C3: variants seen among roughly 807,000 people sequenced by gnomAD.
The protein encoded by C3 is C3 and PZP-like alpha-2-macroglobulin domain-containing protein 1.
Under a neutral mutation model 207.9 loss-of-function variants are expected in C3, and 97 were observed. The ratio of observed to expected loss-of-function variants is 0.47; its 90% confidence interval spans 0.40 to 0.55. C3 has a LOEUF of 0.55. Ranked by LOEUF, C3 falls within the 20% of genes least tolerant of loss-of-function variation. The pLI is 0.00. For missense variants in C3, 1,684 were observed against 2,171.7 expected, an observed-to-expected ratio of 0.78 and a Z score of 4.46; for synonymous variants, 848 against 857.6, an observed-to-expected ratio of 0.99 and a Z score of 0.20.
At chr19:6,687,757 G>A (rs344540) in intron 27 of C3, among the ~76,000 whole-genome samples, 68,909 of 151,966 alleles carry the variant, frequency 0.45, 16,838 homozygotes, top group East Asian at 0.91. Flanking sequence ...TTTAGGAAGC[G>A]ATGAGTTTGA....
intron 19 of C3, among the ~76,000 whole-genome samples, chr19:6,701,106 G>T (rs1376659829): frequency 6.6e-6 from 1 of 152,064 alleles, no homozygotes; most frequent in East Asian, 1.9e-4. Flanking sequence ...CAGCGAAAAG[G>T]ACGATGGCTA....
rs11569422 is a variant in C3 at position 6,711,059 on chromosome 19, C to A, written c.1407G>T (p.Glu469Asp). 2 of 1,614,026 alleles carry A rather than the reference C, an allele frequency of 1.2e-6. No individual in the cohort carries two copies. The highest frequency in any genetic ancestry group is 2.7e-5 in the African/African-American group (2 of 74,890). The change falls in exon 12 of 41, where the codon GAG (glutamate) becomes GAT (aspartate). Residue 469 changes from glutamate to aspartate, a missense_variant. This residue lies in a region of C3 where 1,280 missense variants were observed against 1,739.1 expected (regional missense o/e 0.74). Coordinates refer to ENST00000245907, the MANE Select transcript of C3 (RefSeq NM_000064.4). ...SVLRTELRPG[E>D]TLNVNFLLRM... is the part of the protein sequence containing the mutation. ...GCAGGAGGAAGTTGACGTTGAGGGT[C>A]TCCCCGGGTCTGAGCTCTGTACGTA...
intron 4 of C3, among the ~76,000 whole-genome samples, chr19:6,715,626 T>G (rs2642202): frequency 0.72 from 102,447 of 143,164 alleles, 36,466 homozygotes; most frequent in East Asian, 0.94. Flanking sequence ...TTTGTTTTTT[T>G]TGTTTTTTTT....
At chr19:6,684,231 G>A in intron 33 of C3, 157 bp downstream of exon 33, 1 of 758,432 alleles carries the variant, frequency 1.3e-6, no homozygotes, top group Non-Finnish European at 2.4e-6. Flanking sequence ...TGCAAAGCAA[G>A]GACTGTCTGT....
At chr19:6,688,601 C>T (rs1235106170) in intron 27 of C3, among the ~76,000 whole-genome samples, 1 of 151,612 alleles carries the variant, frequency 6.6e-6, no homozygotes, top group Non-Finnish European at 1.5e-5. Flanking sequence ...CTCACTGCAA[C>T]CTCCACCTCC....
chr19:6,689,295 T>TTTC lies in C3; in HGVS notation c.3489+1333_3489+1334insGAA, dbSNP rs1568213344. On this transcript the variant is annotated intron_variant, in intron 27 of 40. Coordinates refer to ENST00000245907, the MANE Select transcript of C3 (RefSeq NM_000064.4). Reference sequence around the variant, plus strand: ...GAAGTCAGATTTGTCTGACCCCACCTCTCCTCTCTCTCTCTCTCTCTCTCT... The same window carrying TTTC: ...GAAGTCAGATTTGTCTGACCCCACCTTTCCTCCTCTCTCTCTCTCTCTCTCTCT... Among the ~76,000 whole-genome samples the TTTC allele has an allele frequency of 7.5e-3, 819 of 109,664 alleles. 21 individuals carry two copies. The highest frequency in any genetic ancestry group is 0.026 in the African/African-American group (776 of 30,368). 71.9% of individuals were successfully genotyped at this position (109,664 alleles called of 152,430 possible).
rs1403896231 is a variant in C3 at position 6,684,597 on chromosome 19, G to A, written c.4083C>T (p.Phe1361=). 20 of 1,613,952 alleles carry A rather than the reference G, an allele frequency of 1.2e-5. No individual in the cohort carries two copies. Among genetic ancestry groups the A allele is most frequent in the East Asian group, 4.5e-5 (2 of 44,900 alleles). ...CTGGTTTTATGGTGACCTTGAGGTC[G>A]AATTTATTACAGGTGAGTTGATCTT... ...KAKDQLTCNK[F]DLKVTIKPAP... Residue 1361 remains phenylalanine, a synonymous_variant, in exon 32 of 41, where the codon TTC becomes TTT. Transcript: ENST00000245907.
At chr19:6,679,040 C>T in intron 38 of C3, 85 bp downstream of exon 38, 1 of 1,059,430 alleles carries the variant, frequency 9.4e-7, no homozygotes, top group Non-Finnish European at 1.5e-6. Context: ...CCTGAAGCCA[C>T]ACCATGACAA....
At position 6,694,462 on chromosome 19, in the gene C3, C is replaced by T; in HGVS notation, c.3123G>A (p.Lys1041=). The change falls in exon 24 of 41, where the codon AAG becomes AAA. Residue 1041 remains lysine, a synonymous_variant. Transcript: ENST00000245907. ...TEQWEKFGLE[K]RQGALELIKK... ...TGATGAGCTCCAAGGCCCCCTGCCG[C>T]TTCTCTAGGCCGAACTTCTCCCACT... The T allele has an allele frequency of 6.2e-7, 1 of 1,614,124 alleles. No individual in the cohort carries two copies. Among genetic ancestry groups the T allele is most frequent in the Non-Finnish European group, 8.5e-7 (1 of 1,179,980 alleles).
At chr19:6,684,916 G>A in intron 30 of C3, 72 bp downstream of exon 30, 1 of 1,608,868 alleles carries the variant, frequency 6.2e-7, no homozygotes, top group Non-Finnish European at 8.5e-7. Context: ...CCTCCCTCTT[G>A]CTTCCCAGTA....
At chr19:6,704,745 C>T (rs1417174496) in intron 17 of C3, among the ~76,000 whole-genome samples, 2 of 151,688 alleles carry the variant, frequency 1.3e-5, no homozygotes, top group Non-Finnish European at 2.9e-5. Context: ...TGTGACAGAG[C>T]GAGACTCCAT....
rs1236818564 is a variant in C3, at chr19:6,678,412, A to G, written c.4674T>C (p.Phe1558=). Residue 1558 remains phenylalanine (F), a synonymous_variant, in exon 39 of 41, where the codon TTT becomes TTC. Transcript: ENST00000245907. ...GCTCAATGGCCATGATGTACTCGTC[A>G]AAGTCATTGGACAGCTGAACCTTGA... is the stretch of plus-strand genomic sequence containing the variant. ...RLVKVQLSND[F]DEYIMAIEQT... is the part of the protein sequence containing the mutation. 6.2e-7 allele frequency: 1 copy of G among 1,614,076 alleles called. No individual in the cohort carries two copies. Among genetic ancestry groups the G allele is most frequent in the Non-Finnish European group, 8.5e-7 (1 of 1,180,030 alleles).
intron 19 of C3, 75 bp from the exon 20 acceptor site, chr19:6,697,869 T>C: frequency 6.9e-7 from 1 of 1,459,790 alleles, no homozygotes; most frequent in Non-Finnish European, 9.4e-7. Context: ...GTCTCAGCTC[T>C]TAGTCCACTC....
intron 24 of C3, among the ~76,000 whole-genome samples, 180 bp from the exon 25 acceptor site, chr19:6,693,667 T>G: frequency 8.0e-6 from 1 of 124,708 alleles, no homozygotes; most frequent in Admixed American, 1.0e-4. Flanking sequence ...AACGAGGAGG[T>G]GGAAAAGTTC....
intron 20 of C3, 24 bp from the exon 21 acceptor site, chr19:6,697,580 G>A: frequency 6.2e-7 from 1 of 1,613,872 alleles, no homozygotes; most frequent in Non-Finnish European, 8.5e-7. Context: ...AAAGGATCCG[G>A]GCAAGTGTGT....
rs1035766333 is a variant in C3, at chr19:6,719,625, A to T, written c.75-222T>A. Among the ~76,000 whole-genome samples, 2 of 151,562 alleles carry T rather than the reference A, an allele frequency of 1.3e-5. No individual in the cohort carries two copies. The highest frequency in any genetic ancestry group is 4.9e-5 in the African/African-American group (2 of 41,072). On this transcript the variant is annotated intron_variant, in intron 1 of 40. Coordinates refer to ENST00000245907, the MANE Select transcript of C3 (RefSeq NM_000064.4). This position sits in a 1 kb window ranked among gnomAD's most constrained non-coding sequence, Gnocchi z 5.4. ...GCCACCATGACTCCCACTCTCAGCC[A>T]GCTGGGCCTGGCCTTTGAAAGCCTG...
At chr19:6,709,109 G>A (rs1967851036) in intron 14 of C3, among the ~76,000 whole-genome samples, 2 of 152,208 alleles carry the variant, frequency 1.3e-5, no homozygotes, top group South Asian at 4.1e-4. Context: ...CCCACTGAAT[G>A]ACCCTGGGTG....
chr19:6,686,410 C>G, intron 28 of C3, 123 bp from the exon 29 acceptor site: 1 of 1,065,098 alleles, frequency 9.4e-7, no homozygotes, highest in Non-Finnish European at 1.4e-6. Flanking sequence ...GGCTGACATT[C>G]GAGGCTCTCA....
rs1599521086 is a variant in C3, at chr19:6,709,540, A to G, written c.1845+144T>C. The G allele has an allele frequency of 3.2e-6, 3 of 951,000 alleles. No homozygotes were observed. The East Asian group carries it at 7.2e-5, about 23-fold the overall frequency. 58.9% of individuals were successfully genotyped at this position (951,000 alleles called of 1,614,324 possible). On this transcript the variant is annotated intron_variant, in intron 14 of 40. Transcript: ENST00000245907. ...AACCTCATTCCCATCTTCAGCTTCA[A>G]CCATCCCTGTGTCTGGTCTGCTCCG...
Sources: allele counts gnomAD v4.1 joint callset (sites outside exome capture counted in the v4.1 genomes callset), GRCh38; gene constraint gnomAD v4.1.1; regional missense constraint gnomAD v4.1.1; non-coding constraint Gnocchi (gnomAD v3.1); transcripts MANE v1.5; gene names NCBI Gene and HGNC (gene_info 2026-07-23, HGNC 2026-07-21).